Variants in PLA2G4A observed in about 807,000 individuals in gnomAD.
The protein encoded by PLA2G4A is cytosolic phospholipase A2.
Under a neutral mutation model 81.9 loss-of-function variants are expected in PLA2G4A, and 40 were observed. That is an observed-to-expected ratio of 0.49 (90% confidence interval 0.38 to 0.64). The LOEUF is 0.64. Among genes scored for constraint, PLA2G4A ranks in the 30% least tolerant of loss-of-function variants. The pLI, the probability that PLA2G4A is intolerant of heterozygous loss-of-function variation, is 0.00. For synonymous variants in PLA2G4A, 302 were observed against 296.9 expected (o/e 1.02, Z -0.18); for missense variants, 715 against 905.1 (o/e 0.79, Z 2.69).
chr1:186,985,462 A>T (rs1657862407), intron 17 of PLA2G4A, among the ~76,000 whole-genome samples: 1 of 152,138 alleles, frequency 6.6e-6, no homozygotes, highest in Admixed American at 6.6e-5. Context: ...TTACACCTAA[A>T]TATCTTCTCA....
In PLA2G4A at chr1:186,939,753, G is replaced by C. The variant is rs111338220; in HGVS notation, c.919-227G>C. ...AGTTGCTAATTCATTCTCCAGTTCA[G>C]ATGTAGACATATAATCTAGAGTTAT... On this transcript the variant is annotated intron_variant, in intron 9 of 17. Coordinates refer to ENST00000367466, the MANE Select transcript of PLA2G4A (RefSeq NM_024420.3). Among the ~76,000 whole-genome samples the C allele has an allele frequency of 3.9e-5, 6 of 152,238 alleles. 1 individual carries two copies. The highest frequency in any genetic ancestry group is 1.2e-4 in the African/African-American group (5 of 41,532).
At position 186,939,239 on chromosome 1, in the gene PLA2G4A, C is replaced by T. The variant is rs375735674; in HGVS notation, c.918+9C>T. ...AAACACTAATTCATAATGTAAGTTA[C>T]AGTTCAATCTACACTGCTTTTATAA... On this transcript the variant is annotated intron_variant, in intron 9 of 17. Transcript: ENST00000367466. The T allele has an allele frequency of 8.9e-6, 11 of 1,231,502 alleles. No individual in the cohort carries two copies. The highest frequency in any genetic ancestry group is 1.9e-4 in the Middle Eastern group (1 of 5,280). 76.3% of individuals were successfully genotyped at this position (1,231,502 alleles called of 1,614,324 possible). A position where few individuals can be genotyped will look rare whatever the true frequency, so the allele number is the denominator to read the frequency against.
At chr1:186,837,389 T>C (rs1349066884) in intron 1 of PLA2G4A, among the ~76,000 whole-genome samples, 3 of 149,894 alleles carry the variant, frequency 2.0e-5, no homozygotes, top group Admixed American at 6.6e-5. Context: ...GAATATGGAG[T>C]CGACAGACAG....
chr1:186,884,017 T>C (rs1353344262), intron 3 of PLA2G4A, among the ~76,000 whole-genome samples: 1 of 152,098 alleles, frequency 6.6e-6, no homozygotes, highest in Admixed American at 6.6e-5. Context: ...TTTATATTTA[T>C]AAGTTGAGAG....
intron 7 of PLA2G4A, among the ~76,000 whole-genome samples, chr1:186,930,553 G>C (rs1232358220): frequency 6.6e-6 from 1 of 152,126 alleles, no homozygotes; most frequent in South Asian, 2.1e-4. Context: ...TAACAGTGCA[G>C]GCTGTTTGCT....
chr1:186,829,938 C>A (rs1651488146), intron 1 of PLA2G4A, among the ~76,000 whole-genome samples: 1 of 152,154 alleles, frequency 6.6e-6, no homozygotes, highest in Non-Finnish European at 1.5e-5. Flanking sequence ...GGTGTCAATT[C>A]TAAAGTTATA....
intron 5 of PLA2G4A, 31 bp downstream of exon 5, chr1:186,894,242 C>T (rs1654255939): frequency 1.2e-6 from 1 of 809,252 alleles, no homozygotes; most frequent in African/African-American, 2.0e-5. Context: ...ATATTCCAAC[C>T]TTATGTTAGA....
chr1:186,858,176 C>T (rs914073821), intron 2 of PLA2G4A, among the ~76,000 whole-genome samples: 54 of 152,226 alleles, frequency 3.5e-4, no homozygotes, highest in African/African-American at 1.2e-3. Flanking sequence ...CCTGAGGAAT[C>T]GCCACACTGT....
chr1:186,891,638 C>T (rs1357607508), intron 3 of PLA2G4A, among the ~76,000 whole-genome samples: 2 of 152,174 alleles, frequency 1.3e-5, no homozygotes, highest in African/African-American at 4.8e-5. Flanking sequence ...TCTCATTCTT[C>T]TTTATGGCTG....
intron 3 of PLA2G4A, among the ~76,000 whole-genome samples, chr1:186,877,984 G>A (rs1255090397): frequency 2.0e-5 from 3 of 149,932 alleles, no homozygotes; most frequent in Non-Finnish European, 4.4e-5. Flanking sequence ...ACACCTTTGA[G>A]TGAATTTAAT....
At chr1:186,891,356 A>T (rs1654131899) in intron 3 of PLA2G4A, among the ~76,000 whole-genome samples, 1 of 152,130 alleles carries the variant, frequency 6.6e-6, no homozygotes, top group Non-Finnish European at 1.5e-5. Flanking sequence ...GTTATTATTG[A>T]CTATCGTCAC....
chr1:186,880,033 A>C (rs1245043525), intron 3 of PLA2G4A, among the ~76,000 whole-genome samples: 2 of 151,926 alleles, frequency 1.3e-5, no homozygotes, highest in East Asian at 3.9e-4. Context: ...CTTTGGTTAA[A>C]GTTTAGTTAA....
intron 3 of PLA2G4A, among the ~76,000 whole-genome samples, chr1:186,876,227 G>C (rs1653491627): frequency 6.6e-6 from 1 of 152,090 alleles, no homozygotes; most frequent in African/African-American, 2.4e-5. Flanking sequence ...GGTTTATTTT[G>C]ACAGTATGCT....
intron 7 of PLA2G4A, among the ~76,000 whole-genome samples, chr1:186,918,324 C>T (rs1206618929): frequency 1.3e-5 from 2 of 152,168 alleles, no homozygotes; most frequent in Non-Finnish European, 2.9e-5. Flanking sequence ...GTAGAATTTA[C>T]TGTTGATATT....
intron 7 of PLA2G4A, among the ~76,000 whole-genome samples, chr1:186,930,554 G>A (rs753633930): frequency 2.0e-5 from 3 of 152,116 alleles, no homozygotes; most frequent in Non-Finnish European, 2.9e-5. Context: ...AACAGTGCAG[G>A]CTGTTTGCTG....
intron 15 of PLA2G4A, among the ~76,000 whole-genome samples, chr1:186,965,888 T>C (rs887845500): frequency 3.9e-5 from 6 of 152,006 alleles, no homozygotes; most frequent in African/African-American, 1.2e-4. Flanking sequence ...AAGTAAATGA[T>C]CATTAAAACC....
At chr1:186,894,528 A>G (rs1179031572) in intron 5 of PLA2G4A, among the ~76,000 whole-genome samples, 2 of 152,134 alleles carry the variant, frequency 1.3e-5, no homozygotes, top group African/African-American at 4.8e-5. Context: ...ATTGGGGAGG[A>G]TAAAAAGACA....
At chr1:186,924,606 T>C (rs1164485772) in intron 7 of PLA2G4A, among the ~76,000 whole-genome samples, 1 of 152,060 alleles carries the variant, frequency 6.6e-6, no homozygotes, top group Non-Finnish European at 1.5e-5. Flanking sequence ...AGGGTTTCAC[T>C]TTGTCATCCA....
intron 17 of PLA2G4A, 126 bp downstream of exon 17, chr1:186,979,598 C>T: frequency 1.5e-6 from 1 of 678,486 alleles, no homozygotes; most frequent in Non-Finnish European, 2.6e-6. Context: ...AAATATGCCA[C>T]TTTACTTTTC....
Sources: gnomAD v4.1 joint callset for allele counts (sites outside exome capture counted in the v4.1 genomes callset) on GRCh38, gnomAD v4.1.1 for gene constraint, MANE v1.5 for transcripts, NCBI Gene and HGNC (gene_info 2026-07-23, HGNC 2026-07-21) for gene names.